ZNF705G: variants seen among roughly 807,000 people sequenced by gnomAD.
ZNF705G encodes the protein putative zinc finger protein 705G.
Under a neutral mutation model 19.6 loss-of-function variants are expected in ZNF705G, and 23 were observed. The ratio of observed to expected loss-of-function variants is 1.17; its 90% CI spans 0.84 to 1.66. The LOEUF (loss-of-function observed/expected upper bound fraction) is 1.66, where lower values mean the gene tolerates loss of function less well. ZNF705G is among the 40% of genes most tolerant of loss of function. The pLI is 0.00. For synonymous variants in ZNF705G, 146 were observed against 117.7 expected (o/e 1.24, Z -1.56); for missense variants, 457 against 354.4 (o/e 1.29, Z -2.32).
At chr8:7,367,878 T>C (rs1183057702) in intron 2 of ZNF705G, among the ~76,000 whole-genome samples, 1 of 149,836 alleles carries the variant, frequency 6.7e-6, no homozygotes, top group Non-Finnish European at 1.5e-5. Context: ...GAATCTCTTC[T>C]ACTGGTAACA....
rs1162445298 is a variant in ZNF705G at position 7,361,301 on chromosome 8, C to T, written c.13-65G>A. On this transcript the variant is annotated intron_variant, in intron 3 of 6. Transcript: ENST00000400156. The stretch of plus-strand genomic sequence containing the variant: ...CCTTTCAATGTCCGGAAGAGGAAGG[C>T]TGAGATGACATAGCTAGCAGCTGGG... 4.4e-6 allele frequency: 7 copies of T among 1,591,584 alleles called. 1 individual carries two copies. The South Asian group carries it at 6.6e-5, about 15-fold the overall frequency.
Position 7,380,939 on chromosome 8 carries a change from C to T in ZNF705G, c.-72+513G>A, listed in dbSNP as rs1378804092. 3.7e-5 allele frequency among the ~76,000 whole-genome samples: 5 copies of T among 133,528 alleles called. 1 individual carries two copies. Among genetic ancestry groups the T allele is most frequent in the Non-Finnish European group, 7.5e-5 (5 of 66,644 alleles). The allele number at this position is 133,528 out of a possible 152,430, so 87.6% of individuals were successfully genotyped here. ...GGCTGAGGCAGGAGAATTGCTTGAGCCCAGGAGGCAGAGTTGCAGTGAGTT... is the reference window on the plus strand; with the variant it reads ...GGCTGAGGCAGGAGAATTGCTTGAGTCCAGGAGGCAGAGTTGCAGTGAGTT... On this transcript the variant is annotated intron_variant, in intron 2 of 6. Transcript: ENST00000400156.
intron 2 of ZNF705G, among the ~76,000 whole-genome samples, chr8:7,368,088 T>C (rs1806942964): frequency 6.7e-6 from 1 of 149,416 alleles, no homozygotes; most frequent in Non-Finnish European, 1.5e-5. Flanking sequence ...TGGCTTCCCC[T>C]TATATATGAA....
intron 1 of ZNF705G, among the ~76,000 whole-genome samples, chr8:7,383,031 T>C (rs1469685348): frequency 6.7e-6 from 1 of 148,364 alleles, no homozygotes; most frequent in Non-Finnish European, 1.5e-5. Context: ...GAGCACTTGG[T>C]TTTTTGGAAA....
At chr8:7,371,304 G>T (rs113013474) in intron 2 of ZNF705G, among the ~76,000 whole-genome samples, 51,768 of 100,982 alleles carry the variant, frequency 0.51, 11,241 homozygotes, top group Admixed American at 0.58. Context: ...GGTTGCCAGG[G>T]GCCGTGGTGC....
In ZNF705G at chr8:7,357,909, A is replaced by G. The variant is rs1278750984; in HGVS notation, c.*67T>C. The G allele has an allele frequency of 2.1e-5, 34 of 1,597,702 alleles. No homozygotes were observed. In the Admixed American group the frequency reaches 2.4e-4, roughly 11 times the overall value. Reference sequence around the variant, plus strand: ...TTCTGATGCTCTTTAAGATTAGTACATTGTCTGAAGGCTTTCCCACATAAA... The same window carrying G: ...TTCTGATGCTCTTTAAGATTAGTACGTTGTCTGAAGGCTTTCCCACATAAA... On this transcript the variant is annotated 3_prime_UTR_variant, in exon 7 of 7. Transcript: ENST00000400156.
rs569674817 is a variant in ZNF705G at position 7,357,947 on chromosome 8, G to A, written c.*29C>T. The A allele has an allele frequency of 6.2e-6, 10 of 1,607,598 alleles. No homozygotes were observed. In the East Asian group the frequency reaches 1.3e-4, roughly 22 times the overall value. ...TTTCCCACATAAATGGCATTCATAT[G>A]GCTTTTCTCCAGTGCGTGTTCTCTC... On this transcript the variant is annotated 3_prime_UTR_variant, in exon 7 of 7. Transcript: ENST00000400156.
At position 7,365,381 on chromosome 8, in the gene ZNF705G, T is replaced by C. The variant is rs868650505; in HGVS notation, c.-71-2364A>G. ...CCTCCAGATGTCTCTCTCTATTTTT[T>C]TTTTTTTTTTTTTTTTGGCGGAGTA... On this transcript the variant is annotated intron_variant, in intron 2 of 6. Coordinates refer to ENST00000400156, the MANE Select transcript of ZNF705G (RefSeq NM_001164457.3). 6.9e-5 allele frequency among the ~76,000 whole-genome samples: 10 copies of C among 145,456 alleles called. 1 individual carries two copies. The South Asian group carries it at 2.2e-3, about 31-fold the overall frequency.
Position 7,366,738 on chromosome 8 carries a change from GA to G in ZNF705G, c.-71-3722del, listed in dbSNP as rs1204038361. On this transcript the variant is annotated intron_variant, in intron 2 of 6. Coordinates refer to ENST00000400156, the MANE Select transcript of ZNF705G (RefSeq NM_001164457.3). The stretch of plus-strand genomic sequence containing the variant: ...ATTTAAACATTGCTTGAGAAAATCT[GA>G]GAAAGGAGATGAATATAGAGAAGCA... Among the ~76,000 whole-genome samples, 42 of 149,704 alleles carry G rather than the reference GA, an allele frequency of 2.8e-4. 4 individuals are homozygous for G. Among genetic ancestry groups the G allele is most frequent in the African/African-American group, 1.0e-3 (41 of 39,090 alleles).
chr8:7,367,183 A>T (rs1469532057), intron 2 of ZNF705G, among the ~76,000 whole-genome samples: 1 of 149,530 alleles, frequency 6.7e-6, no homozygotes, highest in African/African-American at 2.6e-5. Context: ...TGATGGGACA[A>T]ATGTCTAATG....
chr8:7,368,928 T>C (rs1452857727), intron 2 of ZNF705G, among the ~76,000 whole-genome samples: 1 of 149,678 alleles, frequency 6.7e-6, no homozygotes, highest in Non-Finnish European at 1.5e-5. Context: ...AGGAGTACAC[T>C]GCTGATAAAG....
chr8:7,370,984 G>T (rs1291219458), intron 2 of ZNF705G, among the ~76,000 whole-genome samples: 2 of 128,642 alleles, frequency 1.6e-5, no homozygotes, highest in Admixed American at 8.2e-5. Flanking sequence ...AGCACTGCAC[G>T]TTCTAACTTA....
intron 2 of ZNF705G, among the ~76,000 whole-genome samples, chr8:7,378,393 C>CAG (rs1807334287): frequency 2.7e-5 from 3 of 109,606 alleles, no homozygotes; most frequent in South Asian, 3.3e-4. Flanking sequence ...AATTCCTTTG[C>CAG]TTCCCAGCTT....
chr8:7,362,312 A>G (rs185783503), intron 3 of ZNF705G, among the ~76,000 whole-genome samples: 2 of 150,002 alleles, frequency 1.3e-5, no homozygotes, highest in Admixed American at 1.3e-4. Context: ...GGGGATAAGA[A>G]TAATAATGAC....
chr8:7,384,679 G>A (rs1482729827), intron 1 of ZNF705G, among the ~76,000 whole-genome samples: 5 of 144,664 alleles, frequency 3.5e-5, no homozygotes, highest in Non-Finnish European at 7.4e-5. Flanking sequence ...GGAAACTTTG[G>A]CCATTTTGGG....
At chr8:7,382,451 G>A (rs1360108501) in intron 1 of ZNF705G, among the ~76,000 whole-genome samples, 1 of 146,360 alleles carries the variant, frequency 6.8e-6, no homozygotes, top group African/African-American at 2.8e-5. Context: ...TGATATTGAG[G>A]ATTCATCCAT....
intron 2 of ZNF705G, among the ~76,000 whole-genome samples, chr8:7,378,935 A>C (rs1807362731): frequency 6.8e-6 from 1 of 147,706 alleles, no homozygotes; most frequent in South Asian, 2.1e-4. Flanking sequence ...GGCGGGAGAC[A>C]GAGGGGACAT....
intron 1 of ZNF705G, among the ~76,000 whole-genome samples, chr8:7,382,235 G>A (rs1285678592): frequency 1.3e-5 from 2 of 149,744 alleles, no homozygotes. Flanking sequence ...GAAAAAGCTT[G>A]CATTCCTGAT....
rs182318771 is a variant in ZNF705G at position 7,366,585 on chromosome 8, T to C, written c.-71-3568A>G. Among the ~76,000 whole-genome samples, 291 of 149,632 alleles carry C rather than the reference T, an allele frequency of 1.9e-3. 3 individuals are homozygous for C. Among genetic ancestry groups the C allele is most frequent in the Admixed American group, 3.5e-3 (54 of 15,224 alleles). ...TAAAGTACATGATGAAAAATAATAA[T>C]ACCTGAGTATAGTACGTAAAAGTAC... On this transcript the variant is annotated intron_variant, in intron 2 of 6. Transcript: ENST00000400156.
Sources: gnomAD v4.1 joint callset for allele counts (sites outside exome capture counted in the v4.1 genomes callset) on GRCh38, gnomAD v4.1.1 for gene constraint, MANE v1.5 for transcripts, NCBI Gene and HGNC (gene_info 2026-07-23, HGNC 2026-07-21) for gene names.